GALNT5: variants seen among roughly 807,000 people sequenced by gnomAD.
GALNT5 encodes polypeptide N-acetylgalactosaminyltransferase 5.
A neutral mutation model predicts 85.4 loss-of-function variants in GALNT5; 72 were observed. That is an observed-to-expected ratio of 0.84 (90% CI 0.70 to 1.03). The LOEUF (loss-of-function observed/expected upper bound fraction) is 1.03, where lower values mean the gene tolerates loss of function less well. Ranked by LOEUF, GALNT5 falls within the 50% of genes least tolerant of loss-of-function variation. The probability of loss-of-function intolerance (pLI) is 0.00; values close to 1 mark genes in which losing one functional copy is unlikely to be tolerated. For missense variants in GALNT5, 1,137 were observed against 1,135.5 expected (o/e 1.00, Z -0.02); for synonymous variants, 404 against 397.0 (o/e 1.02, Z -0.21).
intron 1 of GALNT5, among the ~76,000 whole-genome samples, chr2:157,266,972 C>T (rs894333632): frequency 1.3e-5 from 2 of 152,152 alleles, no homozygotes; most frequent in African/African-American, 2.4e-5. Context: ...TAAAACTTGG[C>T]CATAACCACA....
At chr2:157,269,985 T>TA (rs936878834) in intron 1 of GALNT5, among the ~76,000 whole-genome samples, 6 of 151,930 alleles carry the variant, frequency 3.9e-5, no homozygotes, top group South Asian at 2.1e-4. Flanking sequence ...CAAATACCAT[T>TA]AAAAAAAATG....
chr2:157,309,906 A>G (rs1256776867), intron 9 of GALNT5, among the ~76,000 whole-genome samples: 2 of 152,178 alleles, frequency 1.3e-5, no homozygotes, highest in Non-Finnish European at 2.9e-5. Flanking sequence ...GTGTTAGGAA[A>G]TCCATAAACA....
At chr2:157,265,925 AG>A (rs1304762671) in intron 1 of GALNT5, among the ~76,000 whole-genome samples, 1 of 152,226 alleles carries the variant, frequency 6.6e-6, no homozygotes, top group Non-Finnish European at 1.5e-5. Context: ...TGTGAGAAGC[AG>A]CAATATGAGG....
chr2:157,313,098 A>G lies in GALNT5; in HGVS notation c.*1750A>G, dbSNP rs1188203173. On this transcript the variant is annotated 3_prime_UTR_variant, in exon 10 of 10. Transcript: ENST00000259056. ...ACTGCAGATGAGTAAGAGAATGACT[A>G]GGAAATGAGATACAGTTATATGACA... The G allele has an allele frequency of 2.0e-5, 3 of 152,334 alleles. No homozygotes were observed. In the East Asian group the frequency reaches 5.8e-4, roughly 29 times the overall value. 9.4% of individuals were successfully genotyped at this position (152,334 alleles called of 1,614,324 possible).
In GALNT5 at chr2:157,295,806, T is replaced by C. The variant is rs762810146; in HGVS notation, c.1877+8T>C. ...CAATGATAAGGATATGAGGTAATAT[T>C]TACACATTCCACAAGATACTTTCAA... On this transcript the variant is annotated splice_region_variant and intron_variant, in intron 4 of 9. Transcript: ENST00000259056. 2 of 1,591,838 alleles carry C rather than the reference T, an allele frequency of 1.3e-6. No homozygotes were observed. Among genetic ancestry groups the C allele is most frequent in the Admixed American group, 1.7e-5 (1 of 58,786 alleles).
intron 9 of GALNT5, among the ~76,000 whole-genome samples, chr2:157,310,958 A>G (rs1683555621): frequency 6.6e-6 from 1 of 152,214 alleles, no homozygotes; most frequent in Non-Finnish European, 1.5e-5. Context: ...CATATCATCA[A>G]GAAATTTTTC....
Position 157,258,655 on chromosome 2 carries a change from C to T in GALNT5, c.573C>T (p.Val191=). The T allele has an allele frequency of 6.2e-7, 1 of 1,613,698 alleles. No homozygotes were observed. The highest frequency in any genetic ancestry group is 8.5e-7 in the Non-Finnish European group (1 of 1,179,922). Residue 191 remains valine, a synonymous_variant, in exon 1 of 10, where the codon GTC becomes GTT. Coordinates refer to ENST00000259056, the MANE Select transcript of GALNT5 (RefSeq NM_014568.3). Reference sequence around the variant, plus strand: ...AAATATCAGTACACATGGGACGTGTCAGTTTAAAACAGGAGCCCCGGAAGA... The same window carrying T: ...AAATATCAGTACACATGGGACGTGTTAGTTTAAAACAGGAGCCCCGGAAGA... The part of the protein sequence containing the change: ...VVKISVHMGR[V]SLKQEPRKSH...
intron 5 of GALNT5, among the ~76,000 whole-genome samples, chr2:157,298,347 G>T (rs912282074): frequency 6.6e-6 from 1 of 152,116 alleles, no homozygotes; most frequent in Non-Finnish European, 1.5e-5. Context: ...CCCCACACCC[G>T]AGTAACAAAG....
intron 8 of GALNT5, among the ~76,000 whole-genome samples, chr2:157,307,526 C>T (rs755710396): frequency 3.3e-5 from 5 of 152,136 alleles, no homozygotes; most frequent in Non-Finnish European, 7.3e-5. Context: ...TTAATGTTCA[C>T]GTGAATCACC....
intron 1 of GALNT5, among the ~76,000 whole-genome samples, chr2:157,268,793 CA>C (rs369190590): frequency 0.023 from 2,610 of 113,678 alleles, 72 homozygotes; most frequent in African/African-American, 0.16. Flanking sequence ...GATTCCCCCC[CA>C]AGACAAAGAG....
chr2:157,285,667 GGCT>G (rs1682955042), intron 2 of GALNT5, among the ~76,000 whole-genome samples: 1 of 152,132 alleles, frequency 6.6e-6, no homozygotes, highest in South Asian at 2.1e-4. Context: ...CAAGAGGTGG[GGCT>G]GAGAGTAGAG....
chr2:157,261,270 A>C (rs1285722876), intron 1 of GALNT5, among the ~76,000 whole-genome samples: 3 of 152,176 alleles, frequency 2.0e-5, no homozygotes, highest in Non-Finnish European at 4.4e-5. Context: ...AACCAGAGAA[A>C]AGGCACATGC....
chr2:157,295,239 G>A (rs1558900499), intron 3 of GALNT5, among the ~76,000 whole-genome samples: 1 of 151,986 alleles, frequency 6.6e-6, no homozygotes, highest in Non-Finnish European at 1.5e-5. Flanking sequence ...CATCCCTATT[G>A]TGTGAAGTAA....
At position 157,311,378 on chromosome 2, in the gene GALNT5, C is replaced by T. The variant is rs1314183873; in HGVS notation, c.*30C>T. 7.3e-7 allele frequency: 1 copy of T among 1,377,690 alleles called. No homozygotes were observed. Among genetic ancestry groups the T allele is most frequent in the African/African-American group, 1.5e-5 (1 of 66,988 alleles). The allele number at this position is 1,377,690 out of a possible 1,614,324, so 85.3% of individuals were successfully genotyped here. A position where few individuals can be genotyped will look rare whatever the true frequency, so the allele number is the denominator to read the frequency against. On this transcript the variant is annotated 3_prime_UTR_variant, in exon 10 of 10. Transcript: ENST00000259056. Reference sequence around the variant, plus strand: ...TAACTGATGTTTTTATATAGTAAACCCATTAAATACTGTGAAAATAACACT... The same window carrying T: ...TAACTGATGTTTTTATATAGTAAACTCATTAAATACTGTGAAAATAACACT...
chr2:157,268,172 C>G (rs1316247827), intron 1 of GALNT5, among the ~76,000 whole-genome samples: 1 of 152,164 alleles, frequency 6.6e-6, no homozygotes, highest in East Asian at 1.9e-4. Context: ...TACATCTTGA[C>G]TGTCTCGGAA....
chr2:157,284,287 C>T lies in GALNT5; in HGVS notation c.1460C>T (p.Ala487Val). 6.2e-7 allele frequency: 1 copy of T among 1,613,534 alleles called. No individual in the cohort carries two copies. Among genetic ancestry groups the T allele is most frequent in the Non-Finnish European group, 8.5e-7 (1 of 1,179,594 alleles). The change falls in exon 2 of 10, where the codon GCA (alanine) becomes GTA (valine). Residue 487 changes from alanine (A) to valine (V), a missense_variant. Ala to Val is a moderately conservative substitution (Grantham distance 64). Transcript: ENST00000259056. ...AIEDTRPAGC[A>V]EQLVHNNLPT... The stretch of plus-strand genomic sequence containing the variant: ...CTGCTTATATTCTGGCCCAGATGTG[C>T]AGAGCAGCTAGTTCACAATAACCTC...
rs1682289321 is a variant in GALNT5 at position 157,259,467 on chromosome 2, G to C, written c.1385G>C (p.Gly462Ala). The C allele has an allele frequency of 6.8e-7, 1 of 1,463,214 alleles. No homozygotes were observed. Among genetic ancestry groups the C allele is most frequent in the South Asian group, 1.7e-5 (1 of 59,374 alleles). The allele number at this position is 1,463,214 out of a possible 1,614,324, so 90.6% of individuals were successfully genotyped here. A position where few individuals can be genotyped will look rare whatever the true frequency, so the allele number is the denominator to read the frequency against. The change falls in exon 1 of 10, where the codon GGA becomes GCA. Residue 462 changes from glycine to alanine, a missense_variant. Physicochemically the swap from Gly to Ala is moderately conservative, Grantham distance 60 (BLOSUM62 0). Transcript: ENST00000259056. Reference protein sequence around the residue: ...EKEAERRWKEGNFNVYLSDLI... With the variant: ...EKEAERRWKEANFNVYLSDLI... ...GAGGCAGAAAGAAGATGGAAAGAAGGAAACTTCAATGTCTACCTTAGCGAT... is the reference window on the plus strand; with the variant it reads ...GAGGCAGAAAGAAGATGGAAAGAAGCAAACTTCAATGTCTACCTTAGCGAT...
rs1238933668 is a variant in GALNT5 at position 157,313,988 on chromosome 2, G to C, written c.*2640G>C. 2 of 152,060 alleles carry C rather than the reference G, an allele frequency of 1.3e-5. No homozygotes were observed. The highest frequency in any genetic ancestry group is 4.8e-5 in the African/African-American group (2 of 41,406). 9.4% of individuals were successfully genotyped at this position (152,060 alleles called of 1,614,324 possible). ...ATATGGGCCTAAACTTGAGTGTATTGATTTATTATTACATCTACTACCAAC... is the reference window on the plus strand; with the variant it reads ...ATATGGGCCTAAACTTGAGTGTATTCATTTATTATTACATCTACTACCAAC... On this transcript the variant is annotated 3_prime_UTR_variant, in exon 10 of 10. Coordinates refer to ENST00000259056, the MANE Select transcript of GALNT5 (RefSeq NM_014568.3).
At chr2:157,278,584 C>T (rs954968082) in intron 1 of GALNT5, among the ~76,000 whole-genome samples, 3 of 152,150 alleles carry the variant, frequency 2.0e-5, no homozygotes, top group African/African-American at 7.2e-5. Flanking sequence ...CACTGATACC[C>T]TTTCTTCCAC....
Sources: gnomAD v4.1 joint callset for allele counts (sites outside exome capture counted in the v4.1 genomes callset) on GRCh38, gnomAD v4.1.1 for gene constraint, MANE v1.5 for transcripts, NCBI Gene and HGNC (gene_info 2026-07-23, HGNC 2026-07-21) for gene names.